The following ANGPT2 variants were observed in gnomAD, a reference collection of about 807,000 sequenced individuals.
ANGPT2 encodes the protein angiopoietin-2.
Under a neutral mutation model 62.9 loss-of-function variants are expected in ANGPT2, and 28 were observed. That is an observed-to-expected ratio of 0.44 (90% CI 0.33 to 0.61). The LOEUF (loss-of-function observed/expected upper bound fraction) is 0.61. Among genes scored for constraint, ANGPT2 ranks in the 20% least tolerant of loss-of-function variants. ANGPT2 has a pLI of 0.03. For missense variants in ANGPT2, 727 were observed against 594.9 expected (o/e 1.22, Z -2.31); for synonymous variants, 284 against 207.8 (o/e 1.37, Z -3.15).
In ANGPT2 at chr8:6,509,074, C is replaced by A; in HGVS notation, c.1197-12G>T. The A allele has an allele frequency of 3.7e-6, 6 of 1,600,368 alleles. No individual in the cohort carries two copies. In the Admixed American group the frequency reaches 5.3e-5, roughly 14 times the overall value. On this transcript the variant is annotated splice_polypyrimidine_tract_variant and intron_variant, in intron 7 of 8. Transcript: ENST00000629816. ...CTTTAAGGTGAATCCTGTAAGCGTGCAAAGAAAAAAAACACATTGGCTAGG... is the reference window on the plus strand; with the variant it reads ...CTTTAAGGTGAATCCTGTAAGCGTGAAAAGAAAAAAAACACATTGGCTAGG...
intron 6 of ANGPT2, among the ~76,000 whole-genome samples, 155 bp from the exon 7 acceptor site, chr8:6,513,999 G>T (rs1815722051): frequency 6.6e-6 from 1 of 152,138 alleles, no homozygotes; most frequent in African/African-American, 2.4e-5. Flanking sequence ...AAGGAAAATG[G>T]ATTTTAAATA....
At chr8:6,547,020 A>G (rs954843546) in intron 1 of ANGPT2, among the ~76,000 whole-genome samples, 8 of 152,142 alleles carry the variant, frequency 5.3e-5, no homozygotes, top group African/African-American at 1.9e-4. Flanking sequence ...CCTCGGAAGA[A>G]GCGTTCTCAG....
chr8:6,508,680 C>T, intron 8 of ANGPT2: 1 of 597,894 alleles, frequency 1.7e-6, no homozygotes, highest in South Asian at 2.1e-5. Context: ...CAAATATCCC[C>T]TCTCCTTGCC....
intron 2 of ANGPT2, among the ~76,000 whole-genome samples, chr8:6,528,304 G>C (rs966710420): frequency 6.6e-6 from 1 of 152,180 alleles, no homozygotes; most frequent in African/African-American, 2.4e-5. Flanking sequence ...CATACAATGA[G>C]ACAAGTAGGA....
At chr8:6,524,357 C>G (rs546555159) in intron 3 of ANGPT2, among the ~76,000 whole-genome samples, 4 of 152,214 alleles carry the variant, frequency 2.6e-5, no homozygotes, top group Non-Finnish European at 5.9e-5. Flanking sequence ...ATACATTTCA[C>G]TAGCTTTTCT....
In ANGPT2 at chr8:6,502,739, A is replaced by G. The variant is rs549830317; in HGVS notation, c.*362T>C. 2 of 264,294 alleles carry G rather than the reference A, an allele frequency of 7.6e-6. No homozygotes were observed. The highest frequency in any genetic ancestry group is 1.1e-4 in the South Asian group (2 of 18,230). 16.4% of individuals were successfully genotyped at this position (264,294 alleles called of 1,614,324 possible). ...AGAATGCAGTTCCAAGATGATCTGT[A>G]TTGTATAACATAAGTGTTCTGTTTT... On this transcript the variant is annotated 3_prime_UTR_variant, in exon 9 of 9. Transcript: ENST00000629816.
intron 8 of ANGPT2, chr8:6,507,616 C>T (rs1814040701): frequency 6.8e-6 from 1 of 147,022 alleles, no homozygotes; most frequent in Non-Finnish European, 1.5e-5. Flanking sequence ...TTGCTCTGTC[C>T]CCCAGGCTGG....
chr8:6,530,050 C>T (rs948878892), intron 2 of ANGPT2, among the ~76,000 whole-genome samples: 1 of 151,872 alleles, frequency 6.6e-6, no homozygotes, highest in African/African-American at 2.4e-5. Flanking sequence ...ATGCTTGGAT[C>T]TAACTATTAT....
intron 4 of ANGPT2, among the ~76,000 whole-genome samples, chr8:6,520,692 G>A (rs760409651): frequency 6.6e-6 from 1 of 152,122 alleles, no homozygotes; most frequent in Non-Finnish European, 1.5e-5. Context: ...CACCACACCT[G>A]GCCCTTCCCT....
At chr8:6,508,164 C>G (rs1348005415) in intron 8 of ANGPT2, 1 of 152,130 alleles carries the variant, frequency 6.6e-6, no homozygotes, top group Non-Finnish European at 1.5e-5. Flanking sequence ...AAAAAGACAG[C>G]TGGGGCCGGG....
intron 1 of ANGPT2, among the ~76,000 whole-genome samples, chr8:6,533,227 T>C (rs1356552051): frequency 5.3e-5 from 8 of 152,234 alleles, no homozygotes; most frequent in Non-Finnish European, 1.0e-4. Flanking sequence ...ATGATGATCA[T>C]GCTGACTAAT....
intron 8 of ANGPT2, among the ~76,000 whole-genome samples, chr8:6,504,191 G>T (rs904837273): frequency 1.3e-5 from 2 of 151,538 alleles, no homozygotes; most frequent in Non-Finnish European, 2.9e-5. Flanking sequence ...GGTGGCGGAC[G>T]CCTGTAGTCC....
chr8:6,505,268 A>ATATTCT (rs1563305372), intron 8 of ANGPT2, among the ~76,000 whole-genome samples: 29 of 111,990 alleles, frequency 2.6e-4, no homozygotes, highest in East Asian at 8.9e-4. Flanking sequence ...TGTTTTATAT[A>ATATTCT]TATGTATACA....
chr8:6,519,786 T>G (rs1816958945), intron 5 of ANGPT2, 78 bp downstream of exon 5: 1 of 1,534,674 alleles, frequency 6.5e-7, no homozygotes, highest in Non-Finnish European at 8.9e-7. Flanking sequence ...GGGGAGAGAC[T>G]TCTGCTCTCT....
At chr8:6,520,840 G>C (rs1817189887) in intron 4 of ANGPT2, among the ~76,000 whole-genome samples, 1 of 152,106 alleles carries the variant, frequency 6.6e-6, no homozygotes, top group Non-Finnish European at 1.5e-5. Context: ...CCATCCCATG[G>C]GTCTGATATT....
Position 6,563,188 on chromosome 8 carries a change from T to C in ANGPT2, c.-254A>G. The C allele has an allele frequency of 2.9e-6, 1 of 342,424 alleles. No homozygotes were observed. The highest frequency in any genetic ancestry group is 4.7e-5 in the East Asian group (1 of 21,230). 21.2% of individuals were successfully genotyped at this position (342,424 alleles called of 1,614,324 possible). ...TCACTTGGGAGGGCTGTGTCAGCTT[T>C]TACAGAGCAGCTTTCACGGTCCTTT... On this transcript the variant is annotated 5_prime_UTR_variant, in exon 1 of 9. Coordinates refer to ENST00000629816, the MANE Select transcript of ANGPT2 (RefSeq NM_001118887.2).
At chr8:6,508,247 C>T (rs1022918066) in intron 8 of ANGPT2, 4 of 152,302 alleles carry the variant, frequency 2.6e-5, no homozygotes, top group Non-Finnish European at 4.4e-5. Flanking sequence ...GTCAGCAGTT[C>T]GAGACCAGCC....
chr8:6,504,276 C>T (rs1812808366), intron 8 of ANGPT2, among the ~76,000 whole-genome samples: 1 of 145,614 alleles, frequency 6.9e-6, no homozygotes. Context: ...CGAGATCGCG[C>T]CACTGCACTC....
intron 1 of ANGPT2, among the ~76,000 whole-genome samples, chr8:6,541,327 G>A (rs1821525054): frequency 6.6e-6 from 1 of 152,212 alleles, no homozygotes; most frequent in Admixed American, 6.5e-5. Flanking sequence ...GTGGGCAGTG[G>A]CTAAAGACAG....
Sources: gnomAD v4.1 joint callset for allele counts (sites outside exome capture counted in the v4.1 genomes callset) on GRCh38, gnomAD v4.1.1 for gene constraint, MANE v1.5 for transcripts, NCBI Gene and HGNC (gene_info 2026-07-23, HGNC 2026-07-21) for gene names.